RFTN2: variants seen among roughly 807,000 people sequenced by gnomAD.
RFTN2 encodes the protein raftlin family member 2.
A neutral mutation model predicts 52.7 loss-of-function variants in RFTN2; 34 were observed. The ratio of observed to expected loss-of-function variants is 0.64; its 90% CI spans 0.49 to 0.86. The LOEUF (loss-of-function observed/expected upper bound fraction) is 0.86, where lower values mean the gene tolerates loss of function less well. RFTN2 is among the 40% of genes least tolerant of loss of function. RFTN2 has a pLI of 0.00. For missense variants in RFTN2, 536 were observed against 600.1 expected (o/e 0.89, Z 1.12); for synonymous variants, 203 against 217.7 (o/e 0.93, Z 0.59).
chr2:197,647,014 TA>T (rs1559363243), intron 1 of RFTN2, among the ~76,000 whole-genome samples: 1 of 152,056 alleles, frequency 6.6e-6, no homozygotes, highest in African/African-American at 2.4e-5. Flanking sequence ...CCTTACAAAT[TA>T]GTAGATACAT....
At chr2:197,620,865 CAGAGGCAGG>C (rs762724328) in intron 5 of RFTN2, among the ~76,000 whole-genome samples, 1 of 152,198 alleles carries the variant, frequency 6.6e-6, no homozygotes, top group Non-Finnish European at 1.5e-5. Context: ...ACTCGGGAGG[CAGAGGCAGG>C]AGAATCGCTT....
intron 5 of RFTN2, among the ~76,000 whole-genome samples, chr2:197,619,819 C>T (rs993878957): frequency 6.7e-6 from 1 of 149,158 alleles, no homozygotes; most frequent in African/African-American, 2.4e-5. Context: ...AATCAATAAT[C>T]TCCTCCTCCT....
chr2:197,580,023 C>G (rs887207338), intron 8 of RFTN2, among the ~76,000 whole-genome samples: 1 of 152,140 alleles, frequency 6.6e-6, no homozygotes, highest in Non-Finnish European at 1.5e-5. Flanking sequence ...AGCGTTTAGG[C>G]TCTTTTTCAT....
intron 8 of RFTN2, among the ~76,000 whole-genome samples, chr2:197,591,230 C>A (rs1161123241): frequency 6.6e-6 from 1 of 152,138 alleles, no homozygotes; most frequent in Non-Finnish European, 1.5e-5. Context: ...ATTCACAAAC[C>A]TTGAGCTAGA....
intron 7 of RFTN2, among the ~76,000 whole-genome samples, chr2:197,614,061 C>A (rs1462016726): frequency 6.6e-6 from 1 of 152,090 alleles, no homozygotes; most frequent in African/African-American, 2.4e-5. Context: ...GACTAAGACA[C>A]CTCATCTAGC....
chr2:197,618,610 T>C (rs1364078477), intron 5 of RFTN2, among the ~76,000 whole-genome samples: 1 of 151,220 alleles, frequency 6.6e-6, no homozygotes, highest in Non-Finnish European at 1.5e-5. Context: ...GGAGTGTCTC[T>C]GCCCGGCCAC....
intron 8 of RFTN2, 141 bp from the exon 9 acceptor site, chr2:197,572,421 A>G: frequency 1.4e-6 from 1 of 734,976 alleles, no homozygotes; most frequent in South Asian, 1.8e-5. Flanking sequence ...TTCAACGACC[A>G]GCTCAGAGCT....
At chr2:197,596,691 CA>C (rs1339858203) in intron 7 of RFTN2, among the ~76,000 whole-genome samples, 1 of 152,072 alleles carries the variant, frequency 6.6e-6, no homozygotes, top group Non-Finnish European at 1.5e-5. Context: ...ATTATTAGGT[CA>C]AATCTTATGA....
At chr2:197,610,534 A>G (rs916988263) in intron 7 of RFTN2, among the ~76,000 whole-genome samples, 37 of 152,252 alleles carry the variant, frequency 2.4e-4, no homozygotes, top group African/African-American at 8.7e-4. Context: ...GGGTTTTCTA[A>G]ATATACAATC....
intron 5 of RFTN2, among the ~76,000 whole-genome samples, chr2:197,621,344 T>C (rs984959424): frequency 7.9e-5 from 12 of 151,834 alleles, no homozygotes; most frequent in African/African-American, 2.7e-4. Context: ...TGGGAGGCAC[T>C]AGCACAGTCC....
Position 197,675,499 on chromosome 2 carries a change from G to C in RFTN2, c.-41C>G. 1 of 1,364,884 alleles carries C rather than the reference G, an allele frequency of 7.3e-7. No individual in the cohort carries two copies. Among genetic ancestry groups the C allele is most frequent in the South Asian group, 1.7e-5 (1 of 59,208 alleles). 84.5% of individuals were successfully genotyped at this position (1,364,884 alleles called of 1,614,324 possible). Reference sequence around the variant, plus strand: ...GAATTAAATTGCAGGAAAGGGGAGGGAGAGCAGCAAATTCTGTTGTTTAAG... The same window carrying C: ...GAATTAAATTGCAGGAAAGGGGAGGCAGAGCAGCAAATTCTGTTGTTTAAG... On this transcript the variant is annotated 5_prime_UTR_variant, in exon 1 of 9. Coordinates refer to ENST00000295049, the MANE Select transcript of RFTN2 (RefSeq NM_144629.3).
chr2:197,579,975 T>G (rs927161919), intron 8 of RFTN2, among the ~76,000 whole-genome samples: 1 of 152,168 alleles, frequency 6.6e-6, no homozygotes, highest in South Asian at 2.1e-4. Flanking sequence ...TCAAGGTTAA[T>G]GCTCCTTTTT....
chr2:197,592,864 T>A (rs1227223370), intron 8 of RFTN2, among the ~76,000 whole-genome samples: 3 of 152,212 alleles, frequency 2.0e-5, no homozygotes, highest in Middle Eastern at 3.2e-3. Flanking sequence ...TATTAATAGT[T>A]TACTGTCCTG....
chr2:197,663,757 CTGCT>C (rs1217120229), intron 1 of RFTN2, among the ~76,000 whole-genome samples: 6 of 151,956 alleles, frequency 3.9e-5, no homozygotes, highest in Non-Finnish European at 7.4e-5. Context: ...TTTGAAGAAG[CTGCT>C]TTTTTTATTG....
intron 1 of RFTN2, among the ~76,000 whole-genome samples, chr2:197,649,440 A>T (rs1482134504): frequency 2.0e-5 from 3 of 152,210 alleles, no homozygotes; most frequent in African/African-American, 7.2e-5. Flanking sequence ...TTTGAATGAA[A>T]TCCAGAAAGA....
Position 197,583,643 on chromosome 2 carries a change from T to G in RFTN2, c.1234-11363A>C, listed in dbSNP as rs568804105. 1.4e-3 allele frequency among the ~76,000 whole-genome samples: 214 copies of G among 151,834 alleles called. 3 individuals carry two copies. Among genetic ancestry groups the G allele is most frequent in the South Asian group, 8.4e-3 (40 of 4,788 alleles). ...GTACTTCTTTTTTTTTTTTTTTTAA[T>G]TATACTTTAAGTTCAAGGGTACATG... On this transcript the variant is annotated intron_variant, in intron 8 of 8. Coordinates refer to ENST00000295049, the MANE Select transcript of RFTN2 (RefSeq NM_144629.3).
chr2:197,649,083 G>A (rs1252144710), intron 1 of RFTN2, among the ~76,000 whole-genome samples: 1 of 152,166 alleles, frequency 6.6e-6, no homozygotes, highest in African/African-American at 2.4e-5. Flanking sequence ...CATAAAAAAG[G>A]CAAGCAATCA....
At chr2:197,594,246 C>T (rs1336632454) in intron 8 of RFTN2, among the ~76,000 whole-genome samples, 2 of 151,828 alleles carry the variant, frequency 1.3e-5, no homozygotes, top group Non-Finnish European at 2.9e-5. Context: ...GATCTCTTGA[C>T]CTCATGATCC....
chr2:197,640,136 C>T (rs923994963), intron 3 of RFTN2, among the ~76,000 whole-genome samples: 8 of 152,238 alleles, frequency 5.3e-5, no homozygotes, highest in Non-Finnish European at 1.0e-4. Flanking sequence ...CCACTGCTCT[C>T]TTCAAAGCTG....
Sources: gnomAD v4.1 joint callset for allele counts (sites outside exome capture counted in the v4.1 genomes callset) on GRCh38, gnomAD v4.1.1 for gene constraint, MANE v1.5 for transcripts, NCBI Gene and HGNC (gene_info 2026-07-23, HGNC 2026-07-21) for gene names.